Variants in KCNQ5 observed in about 807,000 individuals in gnomAD.
KCNQ5 encodes the protein potassium voltage-gated channel subfamily KQT member 5.
Under a neutral mutation model 98.2 loss-of-function variants are expected in KCNQ5, and 30 were observed. That is an observed-to-expected ratio of 0.31 (90% CI 0.23 to 0.41). KCNQ5 has a LOEUF of 0.41. Ranked by LOEUF, KCNQ5 falls within the 10% of genes least tolerant of loss-of-function variation. The pLI is 1.00. For missense variants in KCNQ5, 835 were observed against 1,182.5 expected (o/e 0.71, Z 4.31); for synonymous variants, 458 against 449.4 (o/e 1.02, Z -0.24).
Position 72,655,174 on chromosome 6 carries a change from G to GA in KCNQ5, c.398+32599dup, listed in dbSNP as rs59654640. ...TCAGTAGCTATGTGCAAACAAAATG[G>GA]AAAAAAAAAAAACAGAGAAAAATCC... is the stretch of plus-strand genomic sequence containing the variant. On this transcript the variant is annotated intron_variant, in intron 1 of 13. Coordinates refer to ENST00000370398, the MANE Select transcript of KCNQ5 (RefSeq NM_019842.4). Among the ~76,000 whole-genome samples the GA allele has an allele frequency of 5.5e-3, 711 of 128,416 alleles. 9 individuals are homozygous for GA. The highest frequency in any genetic ancestry group is 0.015 in the African/African-American group (538 of 36,204). The allele number at this position is 128,416 out of a possible 152,430, so 84.2% of individuals were successfully genotyped here. A position where few individuals can be genotyped will look rare whatever the true frequency, so the allele number is the denominator to read the frequency against.
At chr6:72,721,902 G>T (rs775615658) in intron 1 of KCNQ5, among the ~76,000 whole-genome samples, 38 of 152,134 alleles carry the variant, frequency 2.5e-4, no homozygotes, top group Non-Finnish European at 7.4e-5. Flanking sequence ...CTCAGGGTCT[G>T]GGAATAGGGT....
At chr6:72,755,023 T>C (rs1027136292) in intron 1 of KCNQ5, among the ~76,000 whole-genome samples, 1 of 152,054 alleles carries the variant, frequency 6.6e-6, no homozygotes, top group African/African-American at 2.4e-5. Context: ...TATGAAGTTC[T>C]GTTGTTAAAT....
At chr6:72,821,855 T>C (rs2150114453) in intron 1 of KCNQ5, among the ~76,000 whole-genome samples, 1 of 152,186 alleles carries the variant, frequency 6.6e-6, no homozygotes, top group East Asian at 1.9e-4. Flanking sequence ...GAGAACTCTA[T>C]GTAGTGATTT....
chr6:72,848,326 G>A (rs1450300417), intron 1 of KCNQ5, among the ~76,000 whole-genome samples: 1 of 151,956 alleles, frequency 6.6e-6, no homozygotes, highest in Non-Finnish European at 1.5e-5. Flanking sequence ...GCATGCATTA[G>A]CTGTTTGTCC....
At chr6:72,927,648 G>A (rs1765491260) in intron 1 of KCNQ5, among the ~76,000 whole-genome samples, 1 of 152,002 alleles carries the variant, frequency 6.6e-6, no homozygotes, top group African/African-American at 2.4e-5. Context: ...TAAAGATCAT[G>A]ATATAAGTAA....
intron 1 of KCNQ5, chr6:72,987,354 C>A (rs1768834066): frequency 7.0e-6 from 5 of 716,832 alleles, no homozygotes; most frequent in South Asian, 6.7e-5. Context: ...AAAGGCCTTG[C>A]AAGGAGAGAT....
chr6:72,961,922 A>G (rs920855299), intron 1 of KCNQ5, among the ~76,000 whole-genome samples: 2 of 151,892 alleles, frequency 1.3e-5, no homozygotes, highest in Admixed American at 6.6e-5. Context: ...CACACTTGTA[A>G]TCCCAGAACT....
intron 7 of KCNQ5, among the ~76,000 whole-genome samples, chr6:73,120,181 G>A (rs1019844526): frequency 5.3e-5 from 8 of 152,072 alleles, no homozygotes; most frequent in African/African-American, 1.7e-4. Flanking sequence ...AGAAGGCAGA[G>A]ATTGCAATGA....
In KCNQ5 at chr6:72,622,788, C is replaced by G. The variant is rs2154471268; in HGVS notation, c.398+201C>G. ...ACTTCTCTCATCTCTACAGCTTGAACCTTTTCCCCGAGGACACCCAATGAA... is the reference window on the plus strand; with the variant it reads ...ACTTCTCTCATCTCTACAGCTTGAAGCTTTTCCCCGAGGACACCCAATGAA... On this transcript the variant is annotated intron_variant, in intron 1 of 13. Coordinates refer to ENST00000370398, the MANE Select transcript of KCNQ5 (RefSeq NM_019842.4). The surrounding 1 kb of genome is among the most constrained non-coding windows in gnomAD (Gnocchi z 6.0). Among the ~76,000 whole-genome samples the G allele has an allele frequency of 6.6e-6, 1 of 152,296 alleles. No individual in the cohort carries two copies. The highest frequency in any genetic ancestry group is 2.1e-4 in the South Asian group (1 of 4,826).
chr6:73,133,761 ATTGTT>A (rs1488810204), intron 10 of KCNQ5, 120 bp downstream of exon 10: 4 of 919,886 alleles, frequency 4.3e-6, no homozygotes, highest in Non-Finnish European at 6.8e-6. Context: ...CAGAGAAAGA[ATTGTT>A]TGTTTGTTTT....
chr6:73,160,500 A>G (rs1777577645), intron 10 of KCNQ5, among the ~76,000 whole-genome samples: 1 of 152,234 alleles, frequency 6.6e-6, no homozygotes, highest in Non-Finnish European at 1.5e-5. Context: ...CTTCAAGCTC[A>G]ATTAAAGATG....
At chr6:72,785,862 G>T (rs991162719) in intron 1 of KCNQ5, among the ~76,000 whole-genome samples, 4 of 151,836 alleles carry the variant, frequency 2.6e-5, no homozygotes, top group African/African-American at 7.3e-5. Context: ...ATCCATTCCC[G>T]CAATAAACAA....
intron 10 of KCNQ5, among the ~76,000 whole-genome samples, chr6:73,164,036 C>T (rs1777707461): frequency 6.6e-6 from 1 of 152,132 alleles, no homozygotes; most frequent in Non-Finnish European, 1.5e-5. Flanking sequence ...ATGTAGCTCA[C>T]ATTTGTTTCA....
At chr6:72,811,906 T>TTGGC (rs1775262587) in intron 1 of KCNQ5, among the ~76,000 whole-genome samples, 1 of 152,018 alleles carries the variant, frequency 6.6e-6, no homozygotes, top group African/African-American at 2.4e-5. Flanking sequence ...ATTTATAGGG[T>TTGGC]TATTTCTTGA....
At chr6:72,685,997 C>T (rs906384933) in intron 1 of KCNQ5, among the ~76,000 whole-genome samples, 1 of 152,204 alleles carries the variant, frequency 6.6e-6, no homozygotes, top group Non-Finnish European at 1.5e-5. Flanking sequence ...CATGTGACCT[C>T]TTCTTTGTGC....
At chr6:72,790,520 C>T (rs946683737) in intron 1 of KCNQ5, among the ~76,000 whole-genome samples, 9 of 151,916 alleles carry the variant, frequency 5.9e-5, no homozygotes, top group African/African-American at 1.7e-4. Flanking sequence ...GTGATGGGTG[C>T]GGTTCTTCAC....
intron 2 of KCNQ5, among the ~76,000 whole-genome samples, chr6:73,024,992 G>T (rs1411635432): frequency 4.6e-5 from 7 of 152,194 alleles, no homozygotes; most frequent in African/African-American, 1.7e-4. Flanking sequence ...ACATTTGATT[G>T]AGAGGCACGG....
chr6:73,055,669 C>A, intron 3 of KCNQ5: 1 of 1,136,026 alleles, frequency 8.8e-7, no homozygotes, highest in Non-Finnish European at 1.3e-6. Flanking sequence ...GGGGCACTGA[C>A]AAGCATCTGA....
intron 2 of KCNQ5, among the ~76,000 whole-genome samples, chr6:73,026,168 C>T (rs866531514): frequency 2.0e-5 from 3 of 152,286 alleles, no homozygotes; most frequent in Middle Eastern, 3.4e-3. Flanking sequence ...CAGCTGTGGT[C>T]AGAGCACAAA....
Sources: gnomAD v4.1 joint callset for allele counts (sites outside exome capture counted in the v4.1 genomes callset) on GRCh38, gnomAD v4.1.1 for gene constraint, Gnocchi (gnomAD v3.1) non-coding constraint, MANE v1.5 for transcripts, NCBI Gene and HGNC (gene_info 2026-07-23, HGNC 2026-07-21) for gene names.